The following SPATC1 variants were observed in gnomAD, a reference collection of about 807,000 sequenced individuals.
SPATC1 encodes the protein spermatogenesis and centriole associated 1.
Under a neutral mutation model 36.5 loss-of-function variants are expected in SPATC1, and 35 were observed. The observed-to-expected ratio is 0.96, with a 90% CI of 0.73 to 1.27. The LOEUF (loss-of-function observed/expected upper bound fraction) is 1.27. Among genes scored for constraint, SPATC1 ranks in the 50% most tolerant of loss-of-function variants. SPATC1 has a pLI of 0.00. For missense variants in SPATC1, 779 were observed against 796.0 expected (o/e 0.98, Z 0.26); for synonymous variants, 361 against 353.6 (o/e 1.02, Z -0.24).
chr8:144,024,323 G>A (rs1834627465), intron 1 of SPATC1, among the ~76,000 whole-genome samples: 1 of 138,836 alleles, frequency 7.2e-6, no homozygotes, highest in African/African-American at 2.7e-5. Flanking sequence ...CCTCCCCCAG[G>A]ACCGCCTTCT....
chr8:144,023,427 A>T (rs1834595119), intron 1 of SPATC1, among the ~76,000 whole-genome samples: 1 of 67,546 alleles, frequency 1.5e-5, no homozygotes, highest in Non-Finnish European at 3.4e-5. Context: ...CTCCCCCCTC[A>T]GGACCCTCTT....
At chr8:144,035,841 C>T (rs1834888028) in intron 1 of SPATC1, among the ~76,000 whole-genome samples, 1 of 152,212 alleles carries the variant, frequency 6.6e-6, no homozygotes, top group South Asian at 2.1e-4. Flanking sequence ...CTGCCTCTCC[C>T]CAGTCATCCT....
intron 1 of SPATC1, among the ~76,000 whole-genome samples, chr8:144,025,949 A>G (rs1834668490): frequency 6.6e-6 from 1 of 152,214 alleles, no homozygotes; most frequent in Non-Finnish European, 1.5e-5. Context: ...TCATATAACC[A>G]TACAATTCAC....
rs1370163768 is a variant in SPATC1, at chr8:144,046,503, C to T, written c.1447-124C>T. The T allele has an allele frequency of 6.8e-6, 6 of 885,684 alleles. No individual in the cohort carries two copies. In the East Asian group the frequency reaches 1.6e-4, roughly 23 times the overall value. 54.9% of individuals were successfully genotyped at this position (885,684 alleles called of 1,614,324 possible). On this transcript the variant is annotated intron_variant, in intron 4 of 4. Coordinates refer to ENST00000377470, the MANE Select transcript of SPATC1 (RefSeq NM_198572.3). The surrounding 1 kb of genome is among the most constrained non-coding windows in gnomAD (Gnocchi z 6.6). ...ATTCTTGAGGTCTGTCGCAGAACCT[C>T]CCCACCGCACACCCCTCGGATCCTG...
At position 144,045,435 on chromosome 8, in the gene SPATC1, AG is replaced by A. The variant is rs1232825476; in HGVS notation, c.1447-1188del. 5.3e-5 allele frequency among the ~76,000 whole-genome samples: 8 copies of A among 152,254 alleles called. No homozygotes were observed. The highest frequency in any genetic ancestry group is 1.4e-4 in the African/African-American group (6 of 41,550). On this transcript the variant is annotated intron_variant, in intron 4 of 4. Coordinates refer to ENST00000377470, the MANE Select transcript of SPATC1 (RefSeq NM_198572.3). The surrounding 1 kb of genome is among the most constrained non-coding windows in gnomAD (Gnocchi z 5.2). ...TACCCTGCGCCTGGAGCCTTCCCCG[AG>A]GGGTGGTGCCTGAACAGCTTGTGTG...
At chr8:144,041,987 G>A (rs1233210164) in intron 4 of SPATC1, 2 of 985,000 alleles carry the variant, frequency 2.0e-6, no homozygotes, top group Non-Finnish European at 1.2e-6. Flanking sequence ...TTTTCAGATG[G>A]ACTCTCGCTC....
chr8:144,039,823 C>T (rs1835011494), intron 1 of SPATC1, 86 bp from the exon 2 acceptor site: 4 of 1,418,040 alleles, frequency 2.8e-6, no homozygotes, highest in Non-Finnish European at 3.9e-6. Flanking sequence ...TGGCCAGGCC[C>T]TACCACAGTG....
At chr8:144,023,522 C>T (rs1365155010) in intron 1 of SPATC1, among the ~76,000 whole-genome samples, 2 of 135,280 alleles carry the variant, frequency 1.5e-5, no homozygotes, top group East Asian at 2.1e-4. Context: ...TGTCTCCCCT[C>T]GTGGCCCTCT....
chr8:144,032,660 C>T (rs1834820939), intron 1 of SPATC1, among the ~76,000 whole-genome samples: 1 of 152,166 alleles, frequency 6.6e-6, no homozygotes, highest in Admixed American at 6.5e-5. Flanking sequence ...ATTCCTCCCT[C>T]CCCAGGGTTT....
rs1835248556 is a variant in SPATC1, at chr8:144,045,953, G to C, written c.1447-674G>C. 6.6e-6 allele frequency among the ~76,000 whole-genome samples: 1 copy of C among 152,188 alleles called. No homozygotes were observed. Among genetic ancestry groups the C allele is most frequent in the South Asian group, 2.1e-4 (1 of 4,832 alleles). ...ACTGCCTGGCTGGTGGGAGGACACA[G>C]GGCATGAGGAAGTGAGTGGAAACTG... On this transcript the variant is annotated intron_variant, in intron 4 of 4. Coordinates refer to ENST00000377470, the MANE Select transcript of SPATC1 (RefSeq NM_198572.3). The surrounding 1 kb of genome is among the most constrained non-coding windows in gnomAD (Gnocchi z 5.2).
intron 4 of SPATC1, among the ~76,000 whole-genome samples, chr8:144,042,311 A>ATTTTTTTTTTTTTT (rs1184651892): frequency 1.3e-4 from 3 of 23,884 alleles, no homozygotes; most frequent in Non-Finnish European, 1.3e-4. Flanking sequence ...ATATATATAT[A>ATTTTTTTTTTTTTT]TTTTTTTTTT....
rs888095681 is a variant in SPATC1, at chr8:144,031,044, A to C, written c.212-8865A>C. On this transcript the variant is annotated intron_variant, in intron 1 of 4. Transcript: ENST00000377470. Reference sequence around the variant, plus strand: ...TTGTCTTTTAAGTCATATAGGAAAAATGGGAGATACAAACCAAAAATACAA... The same window carrying C: ...TTGTCTTTTAAGTCATATAGGAAAACTGGGAGATACAAACCAAAAATACAA... Among the ~76,000 whole-genome samples, 29 of 152,298 alleles carry C rather than the reference A, an allele frequency of 1.9e-4. No homozygotes were observed. In the Middle Eastern group the frequency reaches 0.01, roughly 54 times the overall value.
Position 144,047,035 on chromosome 8 carries a change from C to A in SPATC1, c.*79C>A, listed in dbSNP as rs555704182. The A allele has an allele frequency of 2.0e-6, 3 of 1,494,738 alleles. No homozygotes were observed. The South Asian group carries it at 3.8e-5, about 19-fold the overall frequency. The allele number at this position is 1,494,738 out of a possible 1,614,324, so 92.6% of individuals were successfully genotyped here. A position where few individuals can be genotyped will look rare whatever the true frequency, so the allele number is the denominator to read the frequency against. On this transcript the variant is annotated 3_prime_UTR_variant, in exon 5 of 5. Coordinates refer to ENST00000377470, the MANE Select transcript of SPATC1 (RefSeq NM_198572.3). The surrounding 1 kb of genome is among the most constrained non-coding windows in gnomAD (Gnocchi z 4.1). ...ATTAAAGCTTCCCACAGACACTGGT[C>A]GCTGGGCCTGTGCCAGCGCTCCTGG...
intron 1 of SPATC1, among the ~76,000 whole-genome samples, chr8:144,037,837 AG>A (rs1834948019): frequency 6.6e-6 from 1 of 151,778 alleles, no homozygotes; most frequent in Non-Finnish European, 1.5e-5. Flanking sequence ...AAAAAAAAAA[AG>A]AATGAATTTT....
chr8:144,037,104 C>T lies in SPATC1; in HGVS notation c.212-2805C>T, dbSNP rs1446933792. 3.7e-4 allele frequency among the ~76,000 whole-genome samples: 46 copies of T among 124,714 alleles called. 1 individual carries two copies. The South Asian group carries it at 0.014, about 38-fold the overall frequency. 81.8% of individuals were successfully genotyped at this position (124,714 alleles called of 152,430 possible). A position where few individuals can be genotyped will look rare whatever the true frequency, so the allele number is the denominator to read the frequency against. On this transcript the variant is annotated intron_variant, in intron 1 of 4. Coordinates refer to ENST00000377470, the MANE Select transcript of SPATC1 (RefSeq NM_198572.3). ...TAGGGGCGGCCGGCTGGGCGGGGGGCTGACCCCCGCCCGGCAAGCCGCCCC... is the reference window on the plus strand; with the variant it reads ...TAGGGGCGGCCGGCTGGGCGGGGGGTTGACCCCCGCCCGGCAAGCCGCCCC...
intron 1 of SPATC1, among the ~76,000 whole-genome samples, chr8:144,030,236 T>A (rs952517067): frequency 6.6e-6 from 1 of 152,182 alleles, no homozygotes; most frequent in African/African-American, 2.4e-5. Flanking sequence ...CATGGGAGTG[T>A]TTTTTGGTTG....
chr8:144,040,087 C>G lies in SPATC1; in HGVS notation c.390C>G (p.Pro130=). 1 of 1,612,266 alleles carries G rather than the reference C, an allele frequency of 6.2e-7. No homozygotes were observed. The highest frequency in any genetic ancestry group is 8.5e-7 in the Non-Finnish European group (1 of 1,179,880). The stretch of plus-strand genomic sequence containing the variant: ...GCACGCTGCTGTCTGGCCCAGCACC[C>G]ACGTCACAGAGCAGCCCCCTCACCA... ...TLSTLLSGPA[P]TSQSSPLTSF... The change falls in exon 2 of 5, where the codon CCC becomes CCG. Residue 130 remains proline, a synonymous_variant. Transcript: ENST00000377470.
rs782279767 is a variant in SPATC1, at chr8:144,016,343, CTGTG to C, written c.211+3626_211+3629del. Among the ~76,000 whole-genome samples the C allele has an allele frequency of 9.9e-5, 15 of 151,490 alleles. No homozygotes were observed. The highest frequency in any genetic ancestry group is 1.6e-4 in the Non-Finnish European group (11 of 67,878). On this transcript the variant is annotated intron_variant, in intron 1 of 4. Transcript: ENST00000377470. The surrounding 1 kb of genome is among the most constrained non-coding windows in gnomAD (Gnocchi z 4.5). ...TGTGAGTGAATGTGTGCATATGGCT[CTGTG>C]TGTGTGTGAGTTGCTGTGTGTGTGT...
At chr8:144,035,433 G>A (rs1363961378) in intron 1 of SPATC1, among the ~76,000 whole-genome samples, 8 of 152,214 alleles carry the variant, frequency 5.3e-5, no homozygotes, top group Admixed American at 3.3e-4. Context: ...CATCTGTGTC[G>A]GCGCCATTGT....
Sources: gnomAD v4.1 joint callset for allele counts (sites outside exome capture counted in the v4.1 genomes callset) on GRCh38, gnomAD v4.1.1 for gene constraint, Gnocchi (gnomAD v3.1) non-coding constraint, MANE v1.5 for transcripts, NCBI Gene and HGNC (gene_info 2026-07-23, HGNC 2026-07-21) for gene names.